FIG4: variants seen among roughly 807,000 people sequenced by gnomAD.
FIG4 encodes polyphosphoinositide phosphatase.
In FIG4, 112 loss-of-function variants were observed where a neutral mutation model predicts 118.6. The observed-to-expected ratio is 0.94, with a 90% confidence interval of 0.81 to 1.11. The LOEUF is 1.11. FIG4 is among the 50% of genes least tolerant of loss of function. The probability of loss-of-function intolerance (pLI) is 0.00; values close to 1 mark genes in which losing one functional copy is unlikely to be tolerated. For synonymous variants in FIG4, 369 were observed against 381.2 expected, an observed-to-expected ratio of 0.97 and a Z score of 0.37; for missense variants, 969 against 1,111.7, an observed-to-expected ratio of 0.87 and a Z score of 1.83.
chr6:109,815,230 A>G (rs760349317), intron 22 of FIG4, among the ~76,000 whole-genome samples: 99 of 152,002 alleles, frequency 6.5e-4, no homozygotes, highest in Non-Finnish European at 1.1e-3. Context: ...CTTCCCAGAC[A>G]TGAACGCCCT....
chr6:109,754,537 C>G (rs555334746), intron 10 of FIG4, among the ~76,000 whole-genome samples: 2 of 152,298 alleles, frequency 1.3e-5, no homozygotes, highest in African/African-American at 4.8e-5. Context: ...CCTTGTACCT[C>G]TGGTAGAATT....
chr6:109,754,400 T>A (rs962601400), intron 10 of FIG4, among the ~76,000 whole-genome samples: 12 of 152,242 alleles, frequency 7.9e-5, no homozygotes, highest in Non-Finnish European at 1.3e-4. Flanking sequence ...GCTAAAATTC[T>A]CTTTTTTGGT....
chr6:109,739,164 G>A (rs1776248220), intron 7 of FIG4, among the ~76,000 whole-genome samples: 2 of 152,264 alleles, frequency 1.3e-5, no homozygotes, highest in South Asian at 4.1e-4. Flanking sequence ...AAAGATTGCA[G>A]TAGTCCAGGC....
intron 20 of FIG4, 77 bp from the exon 21 acceptor site, chr6:109,792,504 AT>A: frequency 4.5e-6 from 4 of 879,890 alleles, no homozygotes; most frequent in Non-Finnish European, 7.5e-6. Flanking sequence ...TCACAGTTTC[AT>A]TTTTTTGGGG....
At chr6:109,730,499 A>G (rs1775963821) in intron 4 of FIG4, among the ~76,000 whole-genome samples, 1 of 152,240 alleles carries the variant, frequency 6.6e-6, no homozygotes, top group Non-Finnish European at 1.5e-5. Context: ...GATAAAGTCA[A>G]CAAGATGGTA....
intron 16 of FIG4, among the ~76,000 whole-genome samples, chr6:109,782,440 T>A (rs2128395553): frequency 6.6e-6 from 1 of 152,340 alleles, no homozygotes; most frequent in African/African-American, 2.4e-5. Context: ...GTAAGGGAAA[T>A]ACAATTTAGT....
chr6:109,816,427 A>T (rs916605776), intron 22 of FIG4, among the ~76,000 whole-genome samples: 20 of 152,354 alleles, frequency 1.3e-4, no homozygotes, highest in African/African-American at 4.8e-4. Flanking sequence ...AGACGTGATG[A>T]CTAAATGAAA....
intron 22 of FIG4, among the ~76,000 whole-genome samples, chr6:109,799,209 G>A (rs1778366563): frequency 1.3e-5 from 2 of 152,182 alleles, no homozygotes; most frequent in African/African-American, 4.8e-5. Flanking sequence ...AAAACCACGT[G>A]GATCTAGAAT....
intron 10 of FIG4, among the ~76,000 whole-genome samples, chr6:109,745,814 G>A (rs1776477931): frequency 6.6e-6 from 1 of 152,002 alleles, no homozygotes; most frequent in Non-Finnish European, 1.5e-5. Flanking sequence ...GTTAATTTTT[G>A]TATAAGGTGT....
chr6:109,722,819 C>T (rs2128382938), intron 3 of FIG4, among the ~76,000 whole-genome samples: 1 of 152,108 alleles, frequency 6.6e-6, no homozygotes, highest in South Asian at 2.1e-4. Context: ...AAGGAAGGAG[C>T]CCAGACCTTA....
Position 109,715,110 on chromosome 6 carries a change from A to C in FIG4, c.99A>C (p.Glu33Asp). ...TTCTAGTTGGGAGCAATAATGCAGA[A>C]ACGAAATATCGTGTCTTGAAGATTG... The part of the protein sequence containing the change: ...RYFLVGSNNA[E>D]TKYRVLKIDR... Residue 33 changes from glutamate (E) to aspartate (D), a missense_variant, in exon 2 of 23, where the codon GAA becomes GAC. This residue lies in a region of FIG4 where 393 missense variants were observed against 409.4 expected (regional missense o/e 0.96). Coordinates refer to ENST00000230124, the MANE Select transcript of FIG4 (RefSeq NM_014845.6). 1 of 1,603,420 alleles carries C rather than the reference A, an allele frequency of 6.2e-7. No individual in the cohort carries two copies. The highest frequency in any genetic ancestry group is 1.1e-5 in the South Asian group (1 of 90,804).
At chr6:109,701,411 T>G (rs1774903955) in intron 1 of FIG4, among the ~76,000 whole-genome samples, 1 of 152,176 alleles carries the variant, frequency 6.6e-6, no homozygotes, top group Admixed American at 6.5e-5. Context: ...CAGTTTGCCT[T>G]TACAAGAAGG....
chr6:109,711,514 A>G (rs1431056630), intron 1 of FIG4, among the ~76,000 whole-genome samples: 1 of 152,126 alleles, frequency 6.6e-6, no homozygotes, highest in African/African-American at 2.4e-5. Context: ...ATCATTATGT[A>G]ATGCCATTCT....
chr6:109,800,047 CTTA>C (rs1483468795), intron 22 of FIG4, among the ~76,000 whole-genome samples: 1 of 152,136 alleles, frequency 6.6e-6, no homozygotes, highest in Non-Finnish European at 1.5e-5. Context: ...TAAAGTACAT[CTTA>C]TTATCATCTC....
intron 10 of FIG4, 72 bp downstream of exon 10, chr6:109,743,844 GTTAAC>G: frequency 9.6e-7 from 1 of 1,040,552 alleles, no homozygotes; most frequent in Non-Finnish European, 1.5e-6. Context: ...CACAGAGGGG[GTTAAC>G]AAGCCATGCT....
intron 14 of FIG4, among the ~76,000 whole-genome samples, chr6:109,766,147 T>C (rs1777272697): frequency 1.3e-5 from 2 of 152,186 alleles, no homozygotes; most frequent in Admixed American, 1.3e-4. Context: ...TATAAAAGAC[T>C]GAAGAGAGCT....
chr6:109,763,873 G>A (rs976644578), intron 12 of FIG4, 64 bp from the exon 13 acceptor site: 1 of 1,056,860 alleles, frequency 9.5e-7, no homozygotes, highest in Non-Finnish European at 1.5e-6. Flanking sequence ...ACAAGGATCT[G>A]GTACTGAAAA....
rs542050229 is a variant in FIG4, at chr6:109,709,562, A to G, written c.67-5516A>G. 3.9e-5 allele frequency among the ~76,000 whole-genome samples: 6 copies of G among 152,274 alleles called. No homozygotes were observed. The East Asian group carries it at 1.2e-3, about 29-fold the overall frequency. Reference sequence around the variant, plus strand: ...GTAAATTGCTTTGGGCAGTATGGCCATTTTCACAATATTGATTCTTCCTAT... The same window carrying G: ...GTAAATTGCTTTGGGCAGTATGGCCGTTTTCACAATATTGATTCTTCCTAT... On this transcript the variant is annotated intron_variant, in intron 1 of 22. Transcript: ENST00000230124.
At chr6:109,804,386 T>C (rs974510681) in intron 22 of FIG4, among the ~76,000 whole-genome samples, 2 of 152,188 alleles carry the variant, frequency 1.3e-5, no homozygotes, top group African/African-American at 2.4e-5. Context: ...TTTTGTACAA[T>C]GAAGATGAGT....
Sources: gnomAD v4.1 joint callset for allele counts (sites outside exome capture counted in the v4.1 genomes callset) on GRCh38, gnomAD v4.1.1 for gene constraint, gnomAD v4.1.1 regional missense constraint, MANE v1.5 for transcripts, NCBI Gene and HGNC (gene_info 2026-07-23, HGNC 2026-07-21) for gene names.